The following WASF3 variants were observed in gnomAD, a reference collection of about 807,000 sequenced individuals.
WASF3 encodes WASP family member 3, also known as actin-binding protein WASF3.
WASF3 carries 11 observed loss-of-function variants against 46.6 expected under a neutral mutation model. That is an observed-to-expected ratio of 0.24 (90% CI 0.15 to 0.39). WASF3 has a LOEUF of 0.39. WASF3 is among the 10% of genes least tolerant of loss of function. The pLI, the probability that WASF3 is intolerant of heterozygous loss-of-function variation, is 1.00. For missense variants in WASF3, 576 were observed against 669.8 expected, an observed-to-expected ratio of 0.86 and a Z score of 1.55; for synonymous variants, 242 against 259.7, an observed-to-expected ratio of 0.93 and a Z score of 0.65.
chr13:26,652,684 A>T (rs2137434936), intron 3 of WASF3, among the ~76,000 whole-genome samples: 1 of 152,328 alleles, frequency 6.6e-6, no homozygotes, highest in Non-Finnish European at 1.5e-5. Flanking sequence ...ATCTTTTTAG[A>T]TAATGCTCAA....
Position 26,628,042 on chromosome 13 carries a change from C to T in WASF3, c.-10-14219C>T, listed in dbSNP as rs77400280. ...TAGAGCTAGAGGCCAGGGTTTAATGCTGCCCGTACATGGAAATGTGTTTCA... is the reference window on the plus strand; with the variant it reads ...TAGAGCTAGAGGCCAGGGTTTAATGTTGCCCGTACATGGAAATGTGTTTCA... On this transcript the variant is annotated intron_variant, in intron 2 of 9. Coordinates refer to ENST00000335327, the MANE Select transcript of WASF3 (RefSeq NM_006646.6). Among the ~76,000 whole-genome samples the T allele has an allele frequency of 1.5e-3, 232 of 150,656 alleles. 6 individuals carry two copies. In the East Asian group the frequency reaches 0.042, roughly 27 times the overall value.
chr13:26,552,439 T>C, the WASF3 span, among the ~76,000 whole-genome samples: 6 of 150,312 alleles, frequency 4.0e-5, no homozygotes, highest in African/African-American at 1.5e-4. Context: ...TTCCAGCAAA[T>C]ATTTTATTCT....
At chr13:26,673,763 T>C (rs984288855) in intron 6 of WASF3, among the ~76,000 whole-genome samples, 7 of 152,152 alleles carry the variant, frequency 4.6e-5, no homozygotes, top group Admixed American at 2.6e-4. Flanking sequence ...CAAATAAATA[T>C]GAAGTTTTAA....
At chr13:26,653,149 A>T (rs926975509) in intron 3 of WASF3, among the ~76,000 whole-genome samples, 4 of 152,114 alleles carry the variant, frequency 2.6e-5, no homozygotes, top group African/African-American at 9.7e-5. Context: ...CCTTAAATGG[A>T]TGGGCTGTTC....
upstream of WASF3, among the ~76,000 whole-genome samples, chr13:26,555,365 C>G (rs781216769): frequency 6.6e-6 from 1 of 152,194 alleles, no homozygotes; most frequent in Non-Finnish European, 1.5e-5. Context: ...TACTGCCACT[C>G]TCATACCCAA....
chr13:26,592,954 T>A (rs1486023568), intron 1 of WASF3, among the ~76,000 whole-genome samples: 1 of 152,218 alleles, frequency 6.6e-6, no homozygotes, highest in East Asian at 1.9e-4. Flanking sequence ...CAAATGTTTT[T>A]GCACAAATGT....
chr13:26,649,660 G>A (rs1882254187), intron 3 of WASF3, among the ~76,000 whole-genome samples: 2 of 152,208 alleles, frequency 1.3e-5, no homozygotes, highest in African/African-American at 4.8e-5. Flanking sequence ...AGCTCCAGAA[G>A]GGCCCAGTCA....
At chr13:26,652,336 A>G (rs779339009) in intron 3 of WASF3, among the ~76,000 whole-genome samples, 3 of 152,236 alleles carry the variant, frequency 2.0e-5, no homozygotes, top group Non-Finnish European at 4.4e-5. Flanking sequence ...CTTTAAATGT[A>G]TATGTACCTA....
intron 3 of WASF3, among the ~76,000 whole-genome samples, chr13:26,648,547 T>C (rs1372709496): frequency 1.3e-5 from 2 of 152,128 alleles, no homozygotes; most frequent in Admixed American, 6.6e-5. Flanking sequence ...ACAAGATTTT[T>C]TGGGGAGGTG....
At chr13:26,630,069 T>A (rs533790826) in intron 2 of WASF3, among the ~76,000 whole-genome samples, 1 of 152,334 alleles carries the variant, frequency 6.6e-6, no homozygotes, top group African/African-American at 2.4e-5. Context: ...AGGGGCATTT[T>A]AATTATCCTG....
At chr13:26,685,131 C>T (rs536805901) in intron 9 of WASF3, among the ~76,000 whole-genome samples, 1 of 151,426 alleles carries the variant, frequency 6.6e-6, no homozygotes, top group African/African-American at 2.4e-5. Context: ...CATCAAATAT[C>T]TTACTTTGTT....
intron 1 of WASF3, among the ~76,000 whole-genome samples, chr13:26,597,214 C>G (rs568971563): frequency 5.3e-5 from 8 of 152,226 alleles, no homozygotes; most frequent in Non-Finnish European, 1.2e-4. Context: ...CCCACTGCAA[C>G]CTCTGCCTCC....
At chr13:26,610,882 G>T (rs1330454331) in intron 1 of WASF3, among the ~76,000 whole-genome samples, 1 of 152,110 alleles carries the variant, frequency 6.6e-6, no homozygotes, top group East Asian at 1.9e-4. Flanking sequence ...TGTCAAATGA[G>T]GCTACGTATT....
intron 3 of WASF3, among the ~76,000 whole-genome samples, chr13:26,652,910 G>A (rs1882355393): frequency 2.4e-5 from 2 of 82,178 alleles, no homozygotes; most frequent in Non-Finnish European, 4.5e-5. Context: ...CATGCCTTAG[G>A]TAGGGCCCTT....
At chr13:26,661,266 A>G (rs1030271987) in intron 3 of WASF3, among the ~76,000 whole-genome samples, 1 of 152,210 alleles carries the variant, frequency 6.6e-6, no homozygotes, top group Non-Finnish European at 1.5e-5. Context: ...CGCTCGTTAC[A>G]GAACTCCCCA....
intron 1 of WASF3, among the ~76,000 whole-genome samples, chr13:26,601,444 A>G (rs186474278): frequency 6.6e-6 from 1 of 152,280 alleles, no homozygotes; most frequent in African/African-American, 2.4e-5. Context: ...GGGCTCTTCT[A>G]GACTTTGAAA....
upstream of WASF3, among the ~76,000 whole-genome samples, chr13:26,555,732 A>G (rs1226814922): frequency 6.6e-6 from 1 of 152,234 alleles, no homozygotes; most frequent in African/African-American, 2.4e-5. Flanking sequence ...ACGACACCAT[A>G]GAAGAGATAT....
chr13:26,638,102 C>T (rs1476966350), intron 2 of WASF3: 1 of 152,230 alleles, frequency 6.6e-6, no homozygotes, highest in East Asian at 1.9e-4. Context: ...AAGGGAGATT[C>T]AGCAGAGCCG....
At chr13:26,588,904 T>C (rs2137180269) in intron 1 of WASF3, among the ~76,000 whole-genome samples, 1 of 152,154 alleles carries the variant, frequency 6.6e-6, no homozygotes, top group African/African-American at 2.4e-5. Flanking sequence ...CTCAAGTGAT[T>C]CTCCCACCTC....
Sources: allele counts gnomAD v4.1 joint callset (sites outside exome capture counted in the v4.1 genomes callset), GRCh38; gene constraint gnomAD v4.1.1; transcripts MANE v1.5; gene names NCBI Gene and HGNC (gene_info 2026-07-23, HGNC 2026-07-21).